The following ANKRD30B variants were observed in gnomAD, a reference collection of about 807,000 sequenced individuals.
ANKRD30B encodes ankyrin repeat domain 30B.
Under a neutral mutation model 202.2 loss-of-function variants are expected in ANKRD30B, and 144 were observed. The ratio of observed to expected loss-of-function variants is 0.71; its 90% CI spans 0.62 to 0.82. ANKRD30B has a LOEUF of 0.82. ANKRD30B is among the 40% of genes least tolerant of loss of function. The pLI is 0.00. For synonymous variants in ANKRD30B, 508 were observed against 561.3 expected, an observed-to-expected ratio of 0.91 and a Z score of 1.34; for missense variants, 1,487 against 1,669.1, an observed-to-expected ratio of 0.89 and a Z score of 1.90.
At chr18:14,909,213 G>A in the ANKRD30B span, among the ~76,000 whole-genome samples, 19 of 152,166 alleles carry the variant, frequency 1.2e-4, no homozygotes, top group African/African-American at 4.6e-4. Context: ...AAATTGACAG[G>A]GCTGAACTCT....
At chr18:14,869,621 AATTTT>A in the ANKRD30B span, among the ~76,000 whole-genome samples, 1 of 152,034 alleles carries the variant, frequency 6.6e-6, no homozygotes, top group African/African-American at 2.4e-5. Context: ...CTGTTTGCAA[AATTTT>A]ATTTTGTCAT....
At chr18:14,892,491 C>A in the ANKRD30B span, among the ~76,000 whole-genome samples, 1 of 152,084 alleles carries the variant, frequency 6.6e-6, no homozygotes, top group South Asian at 2.1e-4. Context: ...GTAATCCCAG[C>A]ACTTTGGGAG....
the ANKRD30B span, among the ~76,000 whole-genome samples, chr18:14,918,998 C>T: frequency 5.5e-4 from 83 of 152,290 alleles, no homozygotes; most frequent in South Asian, 0.014. Context: ...AAGCCCTCAC[C>T]GGATGCTGAT....
In ANKRD30B at chr18:14,784,660, A is replaced by G. The variant is rs143357191; in HGVS notation, c.1672+125A>G. The G allele has an allele frequency of 6.2e-3, 6,564 of 1,054,202 alleles. 32 individuals are homozygous for G. Among genetic ancestry groups the G allele is most frequent in the Admixed American group, 0.013 (428 of 31,992 alleles). The allele number at this position is 1,054,202 out of a possible 1,614,324, so 65.3% of individuals were successfully genotyped here. A position where few individuals can be genotyped will look rare whatever the true frequency, so the allele number is the denominator to read the frequency against. ...AAAAGATTTGATCTAGATAATGCCA[A>G]TACTGGTATTTATGTTTGAAAACCT... On this transcript the variant is annotated intron_variant, in intron 14 of 43. Transcript: ENST00000690538.
intron 33 of ANKRD30B, among the ~76,000 whole-genome samples, chr18:14,828,604 C>T (rs1459616348): frequency 6.6e-6 from 1 of 152,184 alleles, no homozygotes; most frequent in Non-Finnish European, 1.5e-5. Flanking sequence ...AATCCCTTCC[C>T]TTCCCCCTTG....
the ANKRD30B span, among the ~76,000 whole-genome samples, chr18:14,904,609 C>G: frequency 6.6e-6 from 1 of 152,236 alleles, no homozygotes; most frequent in African/African-American, 2.4e-5. Context: ...TATCCATTTA[C>G]AGCTTAATCC....
At chr18:14,890,389 T>TATA in the ANKRD30B span, among the ~76,000 whole-genome samples, 1 of 151,692 alleles carries the variant, frequency 6.6e-6, no homozygotes. Flanking sequence ...TCTAATTTAC[T>TATA]ATAATAATAA....
the ANKRD30B span, among the ~76,000 whole-genome samples, chr18:14,916,561 C>T: frequency 2.0e-5 from 3 of 152,140 alleles, no homozygotes; most frequent in African/African-American, 7.2e-5. Flanking sequence ...GGAGCTGTAC[C>T]ATGCACACTG....
intron 32 of ANKRD30B, chr18:14,825,119 C>G (rs1027116399): frequency 1.3e-5 from 2 of 152,206 alleles, no homozygotes; most frequent in African/African-American, 4.8e-5. Context: ...TCCCCCGAAC[C>G]TGGAAATCCT....
chr18:14,877,457 C>T, the ANKRD30B span, among the ~76,000 whole-genome samples: 1 of 151,846 alleles, frequency 6.6e-6, no homozygotes, highest in South Asian at 2.1e-4. Context: ...GTAAGAGTTC[C>T]TACTTCACAG....
the ANKRD30B span, among the ~76,000 whole-genome samples, chr18:14,907,456 G>C: frequency 1.3e-5 from 2 of 152,140 alleles, no homozygotes; most frequent in Admixed American, 1.3e-4. Flanking sequence ...CAGGCCCTGG[G>C]CAGTGATGTC....
the ANKRD30B span, among the ~76,000 whole-genome samples, chr18:14,912,343 T>C: frequency 6.6e-6 from 1 of 152,228 alleles, no homozygotes; most frequent in African/African-American, 2.4e-5. Flanking sequence ...TGCTGAATTT[T>C]ATTGAAGTAT....
At chr18:14,790,363 T>C (rs1968400294) in intron 15 of ANKRD30B, among the ~76,000 whole-genome samples, 1 of 152,212 alleles carries the variant, frequency 6.6e-6, no homozygotes, top group South Asian at 2.1e-4. Context: ...CCTCTTTTCC[T>C]AATTGAATAC....
chr18:14,754,809 G>C (rs1914068353), intron 3 of ANKRD30B, 90 bp from the exon 4 acceptor site: 1 of 889,498 alleles, frequency 1.1e-6, no homozygotes, highest in Non-Finnish European at 1.6e-6. Flanking sequence ...TACTTTATGT[G>C]TTTAAGTTAA....
At chr18:14,758,722 T>G (rs942387790) in intron 5 of ANKRD30B, among the ~76,000 whole-genome samples, 4 of 152,202 alleles carry the variant, frequency 2.6e-5, no homozygotes, top group African/African-American at 9.7e-5. Context: ...GGCCTAGACC[T>G]TCATGATAAG....
chr18:14,874,995 TGTAACCCAATGA>T, the ANKRD30B span, among the ~76,000 whole-genome samples: 1 of 152,256 alleles, frequency 6.6e-6, no homozygotes, highest in East Asian at 1.9e-4. Flanking sequence ...TGCACGTGTG[TGTAACCCAATGA>T]CCAAATCAAC....
the ANKRD30B span, among the ~76,000 whole-genome samples, chr18:14,883,339 C>T: frequency 6.8e-6 from 1 of 147,610 alleles, no homozygotes. Context: ...CTCTCTGTCT[C>T]TCTCTCTCTT....
the ANKRD30B span, among the ~76,000 whole-genome samples, chr18:14,936,563 A>G: frequency 2.6e-5 from 4 of 152,138 alleles, no homozygotes; most frequent in Non-Finnish European, 4.4e-5. Flanking sequence ...AAACAAACAT[A>G]TAATTAGAAA....
intron 32 of ANKRD30B, among the ~76,000 whole-genome samples, chr18:14,826,693 T>TCTCTCTCTCTCACACACA (rs762792279): frequency 1.2e-4 from 15 of 125,044 alleles, no homozygotes; most frequent in African/African-American, 4.4e-4. Context: ...TCTCTCTCTC[T>TCTCTCTCTCTCACACACA]CACACACACA....
Sources: allele counts gnomAD v4.1 joint callset (sites outside exome capture counted in the v4.1 genomes callset), GRCh38; gene constraint gnomAD v4.1.1; transcripts MANE v1.5; gene names NCBI Gene and HGNC (gene_info 2026-07-23, HGNC 2026-07-21).